CDKAL1: variants seen among roughly 807,000 people sequenced by gnomAD.
CDKAL1 encodes the protein threonylcarbamoyladenosine tRNA methylthiotransferase.
A neutral mutation model predicts 68.2 loss-of-function variants in CDKAL1; 32 were observed. The observed-to-expected ratio is 0.47, with a 90% CI of 0.35 to 0.63. The LOEUF (loss-of-function observed/expected upper bound fraction) is 0.63. Ranked by LOEUF, CDKAL1 falls within the 30% of genes least tolerant of loss-of-function variation. CDKAL1 has a pLI of 0.00. For synonymous variants in CDKAL1, 234 were observed against 244.3 expected (o/e 0.96, Z 0.39); for missense variants, 606 against 696.7 (o/e 0.87, Z 1.47).
At chr6:20,572,082 A>T (rs897667673) in intron 4 of CDKAL1, among the ~76,000 whole-genome samples, 12 of 152,194 alleles carry the variant, frequency 7.9e-5, no homozygotes, top group South Asian at 2.1e-4. Flanking sequence ...ATGATATTCT[A>T]ATCTATGCAG....
chr6:21,127,049 C>T (rs1461256124), intron 13 of CDKAL1, among the ~76,000 whole-genome samples: 1 of 152,170 alleles, frequency 6.6e-6, no homozygotes, highest in Non-Finnish European at 1.5e-5. Context: ...CTGGAATAGC[C>T]AACCAAAGTT....
At chr6:20,888,989 A>G (rs1441002304) in intron 9 of CDKAL1, among the ~76,000 whole-genome samples, 1 of 152,212 alleles carries the variant, frequency 6.6e-6, no homozygotes, top group East Asian at 1.9e-4. Context: ...TCCCACCAAC[A>G]GTGTCAAAGT....
intron 8 of CDKAL1, among the ~76,000 whole-genome samples, chr6:20,813,467 C>G (rs1776908078): frequency 6.6e-6 from 1 of 152,072 alleles, no homozygotes; most frequent in Non-Finnish European, 1.5e-5. Flanking sequence ...TGATAAAGTC[C>G]AGTTTATGAT....
intron 4 of CDKAL1, among the ~76,000 whole-genome samples, chr6:20,573,814 G>A (rs765786183): frequency 2.8e-4 from 42 of 152,104 alleles, no homozygotes; most frequent in Non-Finnish European, 4.7e-4. Context: ...TAAGGATGCC[G>A]TACAGAGATG....
At chr6:21,224,984 A>G (rs1385852989) in intron 15 of CDKAL1, among the ~76,000 whole-genome samples, 1 of 152,188 alleles carries the variant, frequency 6.6e-6, no homozygotes, top group Non-Finnish European at 1.5e-5. Context: ...ATATGGTAGT[A>G]AGTAACAGGT....
intron 11 of CDKAL1, among the ~76,000 whole-genome samples, chr6:21,055,627 T>C (rs917806908): frequency 6.6e-6 from 1 of 152,176 alleles, no homozygotes; most frequent in African/African-American, 2.4e-5. Context: ...TGGTGTTTAG[T>C]TTTCTGTTCC....
At chr6:20,828,629 A>G (rs1431584055) in intron 8 of CDKAL1, among the ~76,000 whole-genome samples, 1 of 152,164 alleles carries the variant, frequency 6.6e-6, no homozygotes, top group Non-Finnish European at 1.5e-5. Context: ...TGTCCATAGA[A>G]TTATATTTTC....
intron 9 of CDKAL1, among the ~76,000 whole-genome samples, chr6:20,910,265 A>AC (rs1762408447): frequency 6.6e-6 from 1 of 152,154 alleles, no homozygotes; most frequent in Non-Finnish European, 1.5e-5. Context: ...CATAACAAGT[A>AC]CCTCAGGTAG....
At chr6:20,780,557 A>G (rs1775374302) in intron 7 of CDKAL1, among the ~76,000 whole-genome samples, 2 of 152,058 alleles carry the variant, frequency 1.3e-5, no homozygotes, top group African/African-American at 2.4e-5. Flanking sequence ...GAGAGTATTT[A>G]TACCTGTAGA....
chr6:20,719,365 C>G (rs1322441233), intron 5 of CDKAL1, among the ~76,000 whole-genome samples: 4 of 152,076 alleles, frequency 2.6e-5, no homozygotes, highest in Admixed American at 2.0e-4. Flanking sequence ...TAGTGTCATC[C>G]TAGTTACTTC....
chr6:21,134,170 A>G (rs1346245076), intron 13 of CDKAL1, among the ~76,000 whole-genome samples: 1 of 152,198 alleles, frequency 6.6e-6, no homozygotes, highest in Non-Finnish European at 1.5e-5. Flanking sequence ...CAGAGGCCAG[A>G]TAGGAATTCA....
At chr6:21,029,746 G>A (rs868747706) in intron 11 of CDKAL1, among the ~76,000 whole-genome samples, 5 of 152,028 alleles carry the variant, frequency 3.3e-5, no homozygotes, top group African/African-American at 4.8e-5. Flanking sequence ...ATCACTGATC[G>A]TTAGAGAAAT....
intron 4 of CDKAL1, among the ~76,000 whole-genome samples, chr6:20,601,836 A>G (rs1369928028): frequency 2.0e-5 from 3 of 152,178 alleles, no homozygotes; most frequent in Non-Finnish European, 2.9e-5. Context: ...TCCAGATCAT[A>G]TTTATTCAAC....
intron 7 of CDKAL1, among the ~76,000 whole-genome samples, chr6:20,779,976 C>T (rs146310465): frequency 3.4e-3 from 512 of 151,216 alleles, no homozygotes; most frequent in African/African-American, 0.011. Flanking sequence ...AGGCTGTGTG[C>T]GGTGGCTCAT....
chr6:20,734,580 A>G (rs1171521346), intron 5 of CDKAL1, among the ~76,000 whole-genome samples: 1 of 152,222 alleles, frequency 6.6e-6, no homozygotes, highest in Non-Finnish European at 1.5e-5. Flanking sequence ...GAGAACAAAA[A>G]TACTGTGTGA....
rs529299480 is a variant in CDKAL1, at chr6:20,699,872, CAGAT to C, written c.372-39644_372-39641del. Among the ~76,000 whole-genome samples, 20 of 152,312 alleles carry C rather than the reference CAGAT, an allele frequency of 1.3e-4. No homozygotes were observed. In the South Asian group the frequency reaches 1.5e-3, roughly 11 times the overall value. ...TTTACCTGTCTACTGAGTTATTTAA[CAGAT>C]AGCCTCCCAAATTGTTGACTAAATT... On this transcript the variant is annotated intron_variant, in intron 5 of 15. Transcript: ENST00000274695.
At chr6:21,169,490 G>T (rs550155053) in intron 13 of CDKAL1, among the ~76,000 whole-genome samples, 1 of 152,300 alleles carries the variant, frequency 6.6e-6, no homozygotes, top group African/African-American at 2.4e-5. Flanking sequence ...ACAAAAATTA[G>T]CCAGGCTTGG....
At chr6:20,626,446 A>G (rs58500259) in intron 4 of CDKAL1, among the ~76,000 whole-genome samples, 8,414 of 152,254 alleles carry the variant, frequency 0.055, 720 homozygotes, top group African/African-American at 0.19. Context: ...ATGAGAATAT[A>G]TAACATGTAA....
At chr6:21,122,685 A>G (rs1774786007) in intron 13 of CDKAL1, among the ~76,000 whole-genome samples, 1 of 151,910 alleles carries the variant, frequency 6.6e-6, no homozygotes, top group East Asian at 1.9e-4. Flanking sequence ...TCCAGGCTAG[A>G]GTACAGTGCC....
Sources: gnomAD v4.1 joint callset for allele counts (sites outside exome capture counted in the v4.1 genomes callset) on GRCh38, gnomAD v4.1.1 for gene constraint, MANE v1.5 for transcripts, NCBI Gene and HGNC (gene_info 2026-07-23, HGNC 2026-07-21) for gene names.